The following STARD13 variants were observed in gnomAD, a reference collection of about 807,000 sequenced individuals.
STARD13 encodes the protein stAR-related lipid transfer protein 13.
In STARD13, 62 loss-of-function variants were observed where a neutral mutation model predicts 106.4. The ratio of observed to expected loss-of-function variants is 0.58; its 90% CI spans 0.48 to 0.72. STARD13 has a LOEUF of 0.72. STARD13 is among the 30% of genes least tolerant of loss of function. The probability of loss-of-function intolerance (pLI) is 0.00; values close to 1 mark genes in which losing one functional copy is unlikely to be tolerated. For synonymous variants in STARD13, 565 were observed against 553.0 expected (o/e 1.02, Z -0.31); for missense variants, 1,387 against 1,424.0 (o/e 0.97, Z 0.42).
At position 33,302,987 on chromosome 13, in the gene STARD13, C is replaced by G. The variant is rs1892775708; in HGVS notation, c.124+47303G>C. Among the ~76,000 whole-genome samples the G allele has an allele frequency of 2.0e-5, 3 of 152,162 alleles. No individual in the cohort carries two copies. The South Asian group carries it at 6.2e-4, about 32-fold the overall frequency. On this transcript the variant is annotated intron_variant, in intron 1 of 5. Transcript: ENST00000567873. The stretch of plus-strand genomic sequence containing the variant: ...ATCATGGTAGCCTTTCTTGTTGTCA[C>G]CTTAAAAACCTTTGAAATCATTCAT...
At chr13:33,393,447 T>A in the STARD13 span, among the ~76,000 whole-genome samples, 1 of 152,176 alleles carries the variant, frequency 6.6e-6, no homozygotes, top group Non-Finnish European at 1.5e-5. Flanking sequence ...ATAGCTCCAA[T>A]CTTTTGGTAC....
At chr13:33,132,011 T>C (rs570719209) in intron 4 of STARD13, among the ~76,000 whole-genome samples, 1 of 152,328 alleles carries the variant, frequency 6.6e-6, no homozygotes, top group South Asian at 2.1e-4. Flanking sequence ...AACCTTGCAG[T>C]GTGTTGTTTT....
In STARD13 at chr13:33,184,958, AG is replaced by A. The variant is rs554021227; in HGVS notation, c.170-17337del. On this transcript the variant is annotated intron_variant, in intron 1 of 13. Transcript: ENST00000336934. ...GCCCATACTTCTTTTAATGCAACAA[AG>A]CTTTCCTTCAAATTTGAGGAAAATC... 1.6e-3 allele frequency among the ~76,000 whole-genome samples: 238 copies of A among 152,348 alleles called. 1 individual carries two copies. Among genetic ancestry groups the A allele is most frequent in the Middle Eastern group, 6.8e-3 (2 of 294 alleles).
Position 33,129,351 on chromosome 13 carries a change from C to T in STARD13, c.1326G>A (p.Arg442=). ...SLGREQVPGA[R]EPRLMASCHR... ...GGCAGGACGCCATGAGCCGGGGCTC[C>T]CTGGCACCAGGGACCTGCTCTCTGC... Residue 442 remains arginine (R), a synonymous_variant, in exon 5 of 14, where the codon AGG becomes AGA. Coordinates refer to ENST00000336934, the MANE Select transcript of STARD13 (RefSeq NM_178006.4). The T allele has an allele frequency of 6.2e-7, 1 of 1,614,148 alleles. No homozygotes were observed. The highest frequency in any genetic ancestry group is 8.5e-7 in the Non-Finnish European group (1 of 1,180,028).
the STARD13 span, among the ~76,000 whole-genome samples, chr13:33,584,627 GTCTT>G: frequency 6.6e-5 from 10 of 152,260 alleles, no homozygotes; most frequent in South Asian, 1.4e-3. Context: ...TGTCGAGCAT[GTCTT>G]TCTTTATTTG....
intron 1 of STARD13, among the ~76,000 whole-genome samples, chr13:33,195,285 C>T (rs756020459): frequency 6.6e-6 from 1 of 152,210 alleles, no homozygotes; most frequent in Non-Finnish European, 1.5e-5. Context: ...TTTCAGTAAT[C>T]CCCTGTTACT....
the STARD13 span, among the ~76,000 whole-genome samples, chr13:33,539,555 G>T: frequency 1.3e-5 from 2 of 152,200 alleles, no homozygotes; most frequent in Non-Finnish European, 2.9e-5. Flanking sequence ...ATTTATCAAT[G>T]AAATTGAATA....
At chr13:33,535,895 G>A in the STARD13 span, among the ~76,000 whole-genome samples, 8 of 152,210 alleles carry the variant, frequency 5.3e-5, no homozygotes, top group East Asian at 1.9e-4. Flanking sequence ...ATGGCAGTCC[G>A]AAAATCTATA....
chr13:33,120,026 G>A (rs1023286949), intron 7 of STARD13, among the ~76,000 whole-genome samples: 12 of 152,154 alleles, frequency 7.9e-5, no homozygotes, highest in Non-Finnish European at 1.5e-4. Context: ...ATTTTGGAAG[G>A]AGGCCCAGGA....
At chr13:33,422,350 C>T in the STARD13 span, among the ~76,000 whole-genome samples, 6 of 151,648 alleles carry the variant, frequency 4.0e-5, no homozygotes, top group East Asian at 1.2e-3. Flanking sequence ...TTCACAATTG[C>T]TACAAAGAGA....
rs533394466 is a variant in STARD13, at chr13:33,273,325, G to A, written c.169+12145C>T. Among the ~76,000 whole-genome samples, 4 of 152,282 alleles carry A rather than the reference G, an allele frequency of 2.6e-5. No homozygotes were observed. The East Asian group carries it at 7.7e-4, about 29-fold the overall frequency. The stretch of plus-strand genomic sequence containing the variant: ...GACAACCGTTTTTCAGGGTTTCCAA[G>A]ATACCATATGCAGACAGCCAATATT... On this transcript the variant is annotated intron_variant, in intron 1 of 13. Transcript: ENST00000336934.
downstream of STARD13, among the ~76,000 whole-genome samples, chr13:33,347,615 G>A (rs2078031402): frequency 6.6e-6 from 1 of 152,120 alleles, no homozygotes. Flanking sequence ...ATTGCCTACA[G>A]TATTTAGTAT....
At chr13:33,534,325 C>A in the STARD13 span, among the ~76,000 whole-genome samples, 180 of 152,274 alleles carry the variant, frequency 1.2e-3, 1 homozygote, top group South Asian at 2.7e-3. Context: ...GGGAGAGCCA[C>A]ATGAACTAAC....
intron 1 of STARD13, among the ~76,000 whole-genome samples, chr13:33,203,035 T>C (rs1321887602): frequency 2.6e-5 from 4 of 152,224 alleles, no homozygotes; most frequent in Non-Finnish European, 5.9e-5. Flanking sequence ...CCTGAAAGTT[T>C]TCAAAGCATT....
At chr13:33,674,751 G>C in the STARD13 span, among the ~76,000 whole-genome samples, 1 of 152,096 alleles carries the variant, frequency 6.6e-6, no homozygotes, top group Admixed American at 6.5e-5. Flanking sequence ...TTTTTCTGGT[G>C]ATTTTTTTTC....
intron 1 of STARD13, among the ~76,000 whole-genome samples, chr13:33,178,385 T>C (rs768790631): frequency 3.9e-5 from 6 of 152,238 alleles, no homozygotes; most frequent in Non-Finnish European, 8.8e-5. Context: ...GCTTTCATTC[T>C]AAATAAAGAA....
At chr13:33,649,724 T>TA in the STARD13 span, among the ~76,000 whole-genome samples, 30 of 152,036 alleles carry the variant, frequency 2.0e-4, no homozygotes, top group South Asian at 4.0e-3. Context: ...CTTCTGAATT[T>TA]AAAAAAAATT....
chr13:33,556,839 C>T, the STARD13 span, among the ~76,000 whole-genome samples: 3 of 152,018 alleles, frequency 2.0e-5, no homozygotes, highest in African/African-American at 7.3e-5. Context: ...GTGATCTTGG[C>T]TTCTCCTGGG....
chr13:33,647,485 G>A, the STARD13 span, among the ~76,000 whole-genome samples: 931 of 152,152 alleles, frequency 6.1e-3, 7 homozygotes, highest in African/African-American at 0.021. Context: ...TCCCCTCCCT[G>A]CTCCTTATCT....
Sources: allele counts gnomAD v4.1 joint callset (sites outside exome capture counted in the v4.1 genomes callset), GRCh38; gene constraint gnomAD v4.1.1; transcripts MANE v1.5; gene names NCBI Gene and HGNC (gene_info 2026-07-23, HGNC 2026-07-21).